The following NRXN1 variants were observed in gnomAD, a reference collection of about 807,000 sequenced individuals.
NRXN1 encodes the protein neurexin-1.
Under a neutral mutation model 150.9 loss-of-function variants are expected in NRXN1, and 39 were observed. That is an observed-to-expected ratio of 0.26 (90% confidence interval 0.20 to 0.34). NRXN1 has a LOEUF of 0.34. Ranked by LOEUF, NRXN1 falls within the 10% of genes least tolerant of loss-of-function variation. NRXN1 has a pLI of 1.00. For missense variants in NRXN1, 1,815 were observed against 1,949.9 expected (o/e 0.93, Z 1.30); for synonymous variants, 924 against 757.0 (o/e 1.22, Z -3.62).
At chr2:50,728,940 CTG>C (rs935004466) in intron 5 of NRXN1, among the ~76,000 whole-genome samples, 28 of 152,304 alleles carry the variant, frequency 1.8e-4, no homozygotes, top group Non-Finnish European at 3.4e-4. Flanking sequence ...GTTGAACACA[CTG>C]TGCTGGAAGT....
intron 8 of NRXN1, among the ~76,000 whole-genome samples, chr2:50,575,239 G>A (rs1209698431): frequency 3.3e-5 from 5 of 152,050 alleles, no homozygotes; most frequent in South Asian, 2.1e-4. Flanking sequence ...ATTTTTAATC[G>A]GAAAACTCAG....
chr2:50,619,257 G>A (rs1481127233), intron 8 of NRXN1: 1 of 152,128 alleles, frequency 6.6e-6, no homozygotes, highest in African/African-American at 2.4e-5. Context: ...GGAACCTCTG[G>A]TTCCAGTAGC....
intron 5 of NRXN1, among the ~76,000 whole-genome samples, chr2:50,752,505 T>A (rs898114633): frequency 6.6e-6 from 1 of 151,934 alleles, no homozygotes; most frequent in African/African-American, 2.4e-5. Context: ...AAACTGCTGA[T>A]CTGGAGAGAT....
At chr2:50,829,098 A>G (rs1574627034) in intron 5 of NRXN1, among the ~76,000 whole-genome samples, 1 of 151,946 alleles carries the variant, frequency 6.6e-6, no homozygotes, top group East Asian at 1.9e-4. Flanking sequence ...GCGTGGTGGC[A>G]CGTGCCTGCA....
At chr2:50,644,388 C>G (rs1055967714) in intron 5 of NRXN1, among the ~76,000 whole-genome samples, 1 of 151,804 alleles carries the variant, frequency 6.6e-6, no homozygotes, top group African/African-American at 2.4e-5. Flanking sequence ...AGCTATACTA[C>G]TTTCAAATTA....
intron 18 of NRXN1, among the ~76,000 whole-genome samples, chr2:50,157,102 AGCCTATGTGCTTAATCACTACAT>A (rs1458606172): frequency 6.6e-6 from 1 of 152,016 alleles, no homozygotes; most frequent in Non-Finnish European, 1.5e-5. Context: ...CAGGCATTAA[AGCCTATGTGCTTAATCACTACAT>A]AAAATGCCTT....
intron 17 of NRXN1, among the ~76,000 whole-genome samples, chr2:50,409,853 A>T (rs1192006260): frequency 6.6e-6 from 1 of 152,214 alleles, no homozygotes; most frequent in South Asian, 2.1e-4. Context: ...AAGTGGACAC[A>T]TCTTTTGTAA....
intron 15 of NRXN1, among the ~76,000 whole-genome samples, chr2:50,482,313 C>T (rs1389374682): frequency 6.6e-6 from 1 of 152,064 alleles, no homozygotes. Flanking sequence ...AGATGGGGTG[C>T]GAGTTCAGGG....
In NRXN1 at chr2:50,276,792, C is replaced by T. The variant is rs539782534; in HGVS notation, c.3365-39822G>A. On this transcript the variant is annotated intron_variant, in intron 17 of 22. Transcript: ENST00000401669. The stretch of plus-strand genomic sequence containing the variant: ...TGCATTTCCAGTTCTTTAGGAAATC[C>T]CCTGTTTTAATGATCTTTAAGAGGG... Among the ~76,000 whole-genome samples, 36 of 152,080 alleles carry T rather than the reference C, an allele frequency of 2.4e-4. No individual in the cohort carries two copies. In the East Asian group the frequency reaches 7.0e-3, roughly 29 times the overall value.
intron 15 of NRXN1, among the ~76,000 whole-genome samples, chr2:50,485,388 G>C (rs751606966): frequency 3.3e-5 from 5 of 152,186 alleles, no homozygotes; most frequent in Admixed American, 2.6e-4. Context: ...GAAGTAGCTC[G>C]TACTATGCAG....
chr2:50,583,411 C>A lies in NRXN1; in HGVS notation c.1321-30386G>T, dbSNP rs537119815. ...AGGTACATCAAAGCTAAAAACCGTTCCCTAAAATCCTCCTCTGGGATTCTT... is the reference window on the plus strand; with the variant it reads ...AGGTACATCAAAGCTAAAAACCGTTACCTAAAATCCTCCTCTGGGATTCTT... On this transcript the variant is annotated intron_variant, in intron 8 of 22. Coordinates refer to ENST00000401669, the MANE Select transcript of NRXN1 (RefSeq NM_001330078.2). 2.8e-4 allele frequency among the ~76,000 whole-genome samples: 42 copies of A among 152,260 alleles called. 1 individual carries two copies. The highest frequency in any genetic ancestry group is 9.4e-4 in the African/African-American group (39 of 41,564).
intron 5 of NRXN1, among the ~76,000 whole-genome samples, chr2:50,848,954 C>T (rs1228365304): frequency 2.6e-5 from 4 of 152,146 alleles, no homozygotes; most frequent in Non-Finnish European, 5.9e-5. Flanking sequence ...AGGTCCCAGG[C>T]GATTCCCCAC....
intron 8 of NRXN1, among the ~76,000 whole-genome samples, chr2:50,618,725 T>C (rs1478207342): frequency 1.3e-5 from 2 of 151,144 alleles, no homozygotes; most frequent in Non-Finnish European, 2.9e-5. Flanking sequence ...AAAGCTCTTA[T>C]AATAGCACAA....
intron 22 of NRXN1, among the ~76,000 whole-genome samples, chr2:49,925,836 TA>T (rs998308726): frequency 1.3e-5 from 2 of 152,106 alleles, no homozygotes; most frequent in African/African-American, 4.8e-5. Flanking sequence ...TTTAACTTGT[TA>T]AAAAAAGCAA....
chr2:50,069,847 G>GTT lies in NRXN1; in HGVS notation c.3719-14805_3719-14804dup, dbSNP rs1244777512. On this transcript the variant is annotated intron_variant, in intron 19 of 22. Coordinates refer to ENST00000401669, the MANE Select transcript of NRXN1 (RefSeq NM_001330078.2). ...GGTTAGATTTCAGGAGATTTTGGGGGTTTTTTTTTTTTTTTTTTTTTGAGA... is the reference window on the plus strand; with the variant it reads ...GGTTAGATTTCAGGAGATTTTGGGGGTTTTTTTTTTTTTTTTTTTTTTTGAGA... 7.0e-3 allele frequency among the ~76,000 whole-genome samples: 446 copies of GTT among 63,704 alleles called. 4 individuals carry two copies. The highest frequency in any genetic ancestry group is 0.031 in the African/African-American group (311 of 10,020). 41.8% of individuals were successfully genotyped at this position (63,704 alleles called of 152,430 possible). A position where few individuals can be genotyped will look rare whatever the true frequency, so the allele number is the denominator to read the frequency against.
At chr2:50,321,243 G>A (rs940881240) in intron 17 of NRXN1, among the ~76,000 whole-genome samples, 3 of 152,136 alleles carry the variant, frequency 2.0e-5, no homozygotes, top group Admixed American at 6.6e-5. Context: ...ACACCAAAGC[G>A]ATATATAAAG....
intron 5 of NRXN1, among the ~76,000 whole-genome samples, chr2:50,658,439 T>TG (rs1553935244): frequency 7.9e-5 from 12 of 151,708 alleles, no homozygotes; most frequent in Admixed American, 2.0e-4. Context: ...TGTGTGTGTG[T>TG]TTGAGGCAGG....
intron 5 of NRXN1, among the ~76,000 whole-genome samples, chr2:50,689,617 G>A (rs1046422681): frequency 3.3e-5 from 5 of 152,062 alleles, no homozygotes; most frequent in Non-Finnish European, 5.9e-5. Context: ...GTCATGTGTT[G>A]TACCACATGA....
intron 21 of NRXN1, among the ~76,000 whole-genome samples, chr2:50,006,651 A>C (rs183514667): frequency 3.3e-5 from 5 of 152,298 alleles, no homozygotes; most frequent in Non-Finnish European, 5.9e-5. Context: ...AAAGAAACAA[A>C]TGAAATGCCT....
Sources: allele counts gnomAD v4.1 joint callset (sites outside exome capture counted in the v4.1 genomes callset), GRCh38; gene constraint gnomAD v4.1.1; transcripts MANE v1.5; gene names NCBI Gene and HGNC (gene_info 2026-07-23, HGNC 2026-07-21).